The following ATF7IP variants were observed in gnomAD, a reference collection of about 807,000 sequenced individuals.
ATF7IP encodes the protein activating transcription factor 7 interacting protein.
Under a neutral mutation model 106.4 loss-of-function variants are expected in ATF7IP, and 23 were observed. That is an observed-to-expected ratio of 0.22 (90% CI 0.16 to 0.31). The LOEUF is 0.31. Ranked by LOEUF, ATF7IP falls within the 10% of genes least tolerant of loss-of-function variation. The pLI is 1.00. For missense variants in ATF7IP, 1,334 were observed against 1,524.3 expected (o/e 0.88, Z 2.08); for synonymous variants, 542 against 539.0 (o/e 1.01, Z -0.08).
At chr12:14,413,337 A>G (rs967254845) in intron 1 of ATF7IP, among the ~76,000 whole-genome samples, 3 of 152,246 alleles carry the variant, frequency 2.0e-5, no homozygotes, top group Admixed American at 6.5e-5. Flanking sequence ...TACATGAAGC[A>G]GTCAGCAGGC....
intron 6 of ATF7IP, among the ~76,000 whole-genome samples, chr12:14,454,694 G>A (rs776966818): frequency 1.3e-5 from 2 of 152,118 alleles, no homozygotes; most frequent in Non-Finnish European, 2.9e-5. Flanking sequence ...TGCTTATCTT[G>A]TTAAGTCATC....
chr12:14,470,585 A>G (rs1039923426), intron 10 of ATF7IP, among the ~76,000 whole-genome samples: 3 of 152,200 alleles, frequency 2.0e-5, no homozygotes, highest in Non-Finnish European at 4.4e-5. Flanking sequence ...CTGTCACTTA[A>G]TAGTGGGTGC....
At chr12:14,439,661 TCTCTA>T (rs1478303007) in intron 5 of ATF7IP, among the ~76,000 whole-genome samples, 3 of 152,130 alleles carry the variant, frequency 2.0e-5, no homozygotes, top group Admixed American at 1.3e-4. Flanking sequence ...TGAAACCCTG[TCTCTA>T]CTAAAAATAC....
chr12:14,391,693 G>T (rs1939562152), intron 1 of ATF7IP, among the ~76,000 whole-genome samples: 1 of 152,130 alleles, frequency 6.6e-6, no homozygotes, highest in Admixed American at 6.5e-5. Flanking sequence ...TTATGATTAT[G>T]TGTTCAGTAA....
intron 1 of ATF7IP, among the ~76,000 whole-genome samples, chr12:14,375,860 G>A (rs6488680): frequency 0.56 from 85,482 of 152,082 alleles, 24,418 homozygotes; most frequent in African/African-American, 0.66. Flanking sequence ...GAGCCCTGCA[G>A]TACAGGGAGA....
chr12:14,372,768 C>T (rs1038877872), intron 1 of ATF7IP, among the ~76,000 whole-genome samples: 1 of 152,062 alleles, frequency 6.6e-6, no homozygotes, highest in African/African-American at 2.4e-5. Context: ...TCCGTTCTCC[C>T]TTTCTTTGTT....
chr12:14,476,040 TACAA>T, intron 11 of ATF7IP, 72 bp downstream of exon 11: 1 of 1,046,102 alleles, frequency 9.6e-7, no homozygotes, highest in Non-Finnish European at 1.5e-6. Flanking sequence ...TACAGTATTC[TACAA>T]AGACAGATGT....
chr12:14,387,329 C>CT (rs1939294842), intron 1 of ATF7IP, among the ~76,000 whole-genome samples: 3 of 151,740 alleles, frequency 2.0e-5, no homozygotes, highest in Non-Finnish European at 4.4e-5. Context: ...CTTGATCACT[C>CT]TTATTTTCAT....
At chr12:14,454,520 T>A (rs984624854) in intron 6 of ATF7IP, among the ~76,000 whole-genome samples, 36 of 152,214 alleles carry the variant, frequency 2.4e-4, no homozygotes, top group Admixed American at 1.0e-3. Context: ...CAACTTTCTC[T>A]TTCCTTTCTG....
chr12:14,374,141 C>T (rs531664597), intron 1 of ATF7IP, among the ~76,000 whole-genome samples: 33 of 150,756 alleles, frequency 2.2e-4, no homozygotes, highest in African/African-American at 8.1e-4. Flanking sequence ...TCTGTCACTC[C>T]AGCTGGAGTG....
chr12:14,486,212 A>T, intron 13 of ATF7IP, among the ~76,000 whole-genome samples: 1 of 152,180 alleles, frequency 6.6e-6, no homozygotes, highest in Non-Finnish European at 1.5e-5. Context: ...AAATTCCATT[A>T]ATTATCTGAC....
At chr12:14,384,974 T>G (rs550806178) in intron 1 of ATF7IP, 1 of 159,730 alleles carries the variant, frequency 6.3e-6, no homozygotes, top group Non-Finnish European at 1.4e-5. Context: ...GTTTGCTCTG[T>G]GTGATTTGGC....
At chr12:14,437,828 C>T (rs1392665373) in intron 4 of ATF7IP, among the ~76,000 whole-genome samples, 3 of 151,922 alleles carry the variant, frequency 2.0e-5, no homozygotes, top group African/African-American at 7.3e-5. Context: ...CCGAGGCGGG[C>T]GGATCACGAG....
chr12:14,427,834 C>T (rs766431761), intron 2 of ATF7IP, among the ~76,000 whole-genome samples: 4 of 152,072 alleles, frequency 2.6e-5, no homozygotes. Flanking sequence ...ACTCCTGCTG[C>T]GAGTCACCAT....
intron 2 of ATF7IP, among the ~76,000 whole-genome samples, chr12:14,431,258 T>G (rs139507451): frequency 0.015 from 2,357 of 152,182 alleles, 24 homozygotes; most frequent in Non-Finnish European, 0.019. Context: ...GCTTACTGTC[T>G]AGTCTGCTTG....
At chr12:14,405,726 C>T (rs1315740878) in intron 1 of ATF7IP, among the ~76,000 whole-genome samples, 1 of 152,072 alleles carries the variant, frequency 6.6e-6, no homozygotes, top group Non-Finnish European at 1.5e-5. Flanking sequence ...GACATCTCAG[C>T]TGCCACTTTA....
At chr12:14,405,403 CTTTTTTTTT>C (rs145211652) in intron 1 of ATF7IP, among the ~76,000 whole-genome samples, 15 of 83,568 alleles carry the variant, frequency 1.8e-4, no homozygotes, top group Admixed American at 5.4e-4. Context: ...TTTCTTTCAT[CTTTTTTTTT>C]TTTTTTTTTT....
intron 1 of ATF7IP, among the ~76,000 whole-genome samples, chr12:14,376,262 TCTG>T (rs1938733729): frequency 1.3e-5 from 2 of 152,228 alleles, no homozygotes; most frequent in South Asian, 2.1e-4. Flanking sequence ...TTTAAAAACA[TCTG>T]CTGGACATGC....
intron 1 of ATF7IP, among the ~76,000 whole-genome samples, chr12:14,404,966 G>T (rs1195134042): frequency 1.3e-5 from 2 of 152,120 alleles, no homozygotes. Context: ...AAAGAACTCT[G>T]TGCTTTCTTA....
Sources: gnomAD v4.1 joint callset for allele counts (sites outside exome capture counted in the v4.1 genomes callset) on GRCh38, gnomAD v4.1.1 for gene constraint, MANE v1.5 for transcripts, NCBI Gene and HGNC (gene_info 2026-07-23, HGNC 2026-07-21) for gene names.